Variants in CNTNAP5 observed in about 807,000 individuals in gnomAD.
The protein encoded by CNTNAP5 is contactin-associated protein-like 5.
A neutral mutation model predicts 150.2 loss-of-function variants in CNTNAP5; 72 were observed. That is an observed-to-expected ratio of 0.48 (90% CI 0.40 to 0.58). CNTNAP5 has a LOEUF of 0.58. CNTNAP5 is among the 20% of genes least tolerant of loss of function. The pLI is 0.00. For synonymous variants in CNTNAP5, 672 were observed against 619.8 expected, an observed-to-expected ratio of 1.08 and a Z score of -1.25; for missense variants, 1,636 against 1,626.2, an observed-to-expected ratio of 1.01 and a Z score of -0.10.
At chr2:124,794,920 A>T (rs1299880970) in intron 18 of CNTNAP5, among the ~76,000 whole-genome samples, 3 of 152,222 alleles carry the variant, frequency 2.0e-5, no homozygotes, top group Non-Finnish European at 4.4e-5. Context: ...AAAGTATAAT[A>T]ATTTTTGAAA....
intron 9 of CNTNAP5, among the ~76,000 whole-genome samples, chr2:124,526,004 C>T (rs1010887215): frequency 3.3e-5 from 5 of 152,028 alleles, no homozygotes; most frequent in Non-Finnish European, 7.4e-5. Context: ...CCTCACAGAC[C>T]GAATAATTTT....
chr2:124,883,503 G>A (rs1364822344), intron 21 of CNTNAP5, among the ~76,000 whole-genome samples: 2 of 152,020 alleles, frequency 1.3e-5, no homozygotes, highest in East Asian at 3.9e-4. Context: ...TATACACGGA[G>A]ACACCAAGCT....
rs1678781813 is a variant in CNTNAP5, at chr2:124,916,979, C to T, written c.*2691C>T. ...ATGTAATTTACAATTAGAAATCGTG[C>T]TAACTCTGACTGTCTTTCCTCAGTG... On this transcript the variant is annotated 3_prime_UTR_variant, in exon 24 of 24. Coordinates refer to ENST00000682447, the MANE Select transcript of CNTNAP5 (RefSeq NM_001367498.1). Among the ~76,000 whole-genome samples the T allele has an allele frequency of 1.3e-5, 2 of 152,058 alleles. No homozygotes were observed. The highest frequency in any genetic ancestry group is 2.4e-5 in the African/African-American group (1 of 41,428).
At chr2:124,593,954 A>T (rs1423401387) in intron 11 of CNTNAP5, among the ~76,000 whole-genome samples, 2 of 96,926 alleles carry the variant, frequency 2.1e-5, no homozygotes, top group African/African-American at 3.7e-5. Flanking sequence ...GTTTCTGTTC[A>T]TGTCCTTCGC....
chr2:124,400,173 T>C (rs1691369593), intron 3 of CNTNAP5, among the ~76,000 whole-genome samples: 1 of 151,874 alleles, frequency 6.6e-6, no homozygotes, highest in African/African-American at 2.4e-5. Context: ...AACAAGGATT[T>C]ATGGGCCACC....
chr2:124,116,901 G>C (rs1263613005), intron 1 of CNTNAP5, among the ~76,000 whole-genome samples: 1 of 152,152 alleles, frequency 6.6e-6, no homozygotes, highest in Admixed American at 6.5e-5. Flanking sequence ...CTAGAATCCA[G>C]GCTGAAATAA....
chr2:124,714,788 G>A (rs1470446166), intron 13 of CNTNAP5, among the ~76,000 whole-genome samples: 1 of 151,608 alleles, frequency 6.6e-6, no homozygotes, highest in Admixed American at 6.6e-5. Flanking sequence ...TTTTACTGGG[G>A]CCACATACAT....
intron 1 of CNTNAP5, among the ~76,000 whole-genome samples, chr2:124,111,666 T>C (rs1367294267): frequency 6.6e-6 from 1 of 152,298 alleles, no homozygotes; most frequent in Admixed American, 6.5e-5. Context: ...TATCAAACTT[T>C]CAAAACTCGA....
chr2:124,063,594 C>T (rs750132211), intron 1 of CNTNAP5, among the ~76,000 whole-genome samples: 14 of 152,092 alleles, frequency 9.2e-5, no homozygotes, highest in East Asian at 1.9e-4. Context: ...ACATCCAGGA[C>T]GCAACACGTA....
At chr2:124,544,137 C>T (rs562944655) in intron 10 of CNTNAP5, among the ~76,000 whole-genome samples, 22 of 152,096 alleles carry the variant, frequency 1.4e-4, no homozygotes, top group Non-Finnish European at 3.1e-4. Context: ...AAAAAAAGTG[C>T]CCTTTGAAAG....
At chr2:124,524,204 G>A (rs1239153588) in intron 8 of CNTNAP5, 99 bp from the exon 9 acceptor site, 10 of 1,260,432 alleles carry the variant, frequency 7.9e-6, no homozygotes, top group Middle Eastern at 2.5e-4. Flanking sequence ...GGTTTGCTCT[G>A]AGAATGGCAT....
At chr2:124,833,968 A>C (rs72848759) in intron 19 of CNTNAP5, among the ~76,000 whole-genome samples, 1 of 152,158 alleles carries the variant, frequency 6.6e-6, no homozygotes, top group Non-Finnish European at 1.5e-5. Context: ...TTACTCTGGC[A>C]TGCAGAAATG....
chr2:124,860,414 C>CCCTTCCTTCCTTCCTT (rs201141839), intron 19 of CNTNAP5, among the ~76,000 whole-genome samples: 1 of 95,244 alleles, frequency 1.0e-5, no homozygotes, highest in African/African-American at 7.2e-5. Context: ...CTCCCTCTCT[C>CCCTTCCTTCCTTCCTT]CCTTCCTTCC....
intron 5 of CNTNAP5, among the ~76,000 whole-genome samples, chr2:124,437,393 A>G (rs1692558779): frequency 6.6e-6 from 1 of 152,246 alleles, no homozygotes; most frequent in Non-Finnish European, 1.5e-5. Flanking sequence ...ATTAGCCCCC[A>G]TTTACAGATA....
intron 13 of CNTNAP5, among the ~76,000 whole-genome samples, chr2:124,651,911 C>T (rs1023468263): frequency 1.8e-4 from 27 of 152,172 alleles, no homozygotes; most frequent in Non-Finnish European, 3.4e-4. Flanking sequence ...ACACAGCATC[C>T]CCAGAGCCTC....
chr2:124,706,186 A>C (rs534683838), intron 13 of CNTNAP5, among the ~76,000 whole-genome samples: 1 of 152,180 alleles, frequency 6.6e-6, no homozygotes, highest in African/African-American at 2.4e-5. Flanking sequence ...TTCCCTTTCC[A>C]AATGTTAGAA....
At chr2:124,778,032 AT>A (rs753891307) in intron 17 of CNTNAP5, among the ~76,000 whole-genome samples, 9 of 152,160 alleles carry the variant, frequency 5.9e-5, no homozygotes, top group Admixed American at 3.9e-4. Flanking sequence ...TGAAACTGGC[AT>A]TCTAATTGTA....
chr2:124,885,802 T>C (rs188960922), intron 21 of CNTNAP5, among the ~76,000 whole-genome samples: 1 of 152,088 alleles, frequency 6.6e-6, no homozygotes, highest in Non-Finnish European at 1.5e-5. Context: ...ACTACATTCC[T>C]TTGTATGGTT....
chr2:124,424,362 G>A (rs968818273), intron 4 of CNTNAP5, among the ~76,000 whole-genome samples: 2 of 152,122 alleles, frequency 1.3e-5, no homozygotes, highest in Non-Finnish European at 2.9e-5. Context: ...CCCTCCAAGT[G>A]GGGAGGGACA....
Sources: allele counts gnomAD v4.1 joint callset (sites outside exome capture counted in the v4.1 genomes callset), GRCh38; gene constraint gnomAD v4.1.1; transcripts MANE v1.5; gene names NCBI Gene and HGNC (gene_info 2026-07-23, HGNC 2026-07-21).